Variants in ITPR1 observed in about 807,000 individuals in gnomAD.
ITPR1 encodes the protein inositol 1,4,5-trisphosphate receptor type 1.
In ITPR1, 96 loss-of-function variants were observed where a neutral mutation model predicts 318.4. The ratio of observed to expected loss-of-function variants is 0.30; its 90% confidence interval spans 0.26 to 0.36. The LOEUF (loss-of-function observed/expected upper bound fraction) is 0.36. Ranked by LOEUF, ITPR1 falls within the 10% of genes least tolerant of loss-of-function variation. The pLI is 1.00. For missense variants in ITPR1, 2,440 were observed against 3,460.2 expected (o/e 0.71, Z 7.40); for synonymous variants, 1,312 against 1,289.9 (o/e 1.02, Z -0.37).
At chr3:4,722,923 C>A (rs567815411) in intron 40 of ITPR1, among the ~76,000 whole-genome samples, 1 of 152,140 alleles carries the variant, frequency 6.6e-6, no homozygotes, top group Non-Finnish European at 1.5e-5. Flanking sequence ...CCGAGGCAGG[C>A]GGATCACTTG....
At chr3:4,793,486 C>T (rs1173001667) in intron 52 of ITPR1, among the ~76,000 whole-genome samples, 2 of 152,250 alleles carry the variant, frequency 1.3e-5, no homozygotes, top group African/African-American at 4.8e-5. Context: ...CTCTTCTGTC[C>T]TCTTCTGGAG....
At chr3:4,615,680 A>G (rs2092360720) in intron 4 of ITPR1, among the ~76,000 whole-genome samples, 2 of 152,086 alleles carry the variant, frequency 1.3e-5, no homozygotes, top group Non-Finnish European at 2.9e-5. Flanking sequence ...CTTGACCCCA[A>G]CTGACTTCTT....
intron 4 of ITPR1, among the ~76,000 whole-genome samples, chr3:4,589,911 C>T (rs972487846): frequency 2.0e-5 from 3 of 152,168 alleles, no homozygotes; most frequent in African/African-American, 7.2e-5. Context: ...GGAAGTGGGC[C>T]TATCTCGGGC....
chr3:4,800,982 G>A (rs903714010), intron 54 of ITPR1, among the ~76,000 whole-genome samples: 2 of 152,156 alleles, frequency 1.3e-5, no homozygotes, highest in African/African-American at 4.8e-5. Context: ...ACCCACTTCT[G>A]GAAAGGGCCA....
chr3:4,783,462 C>T (rs999607885), intron 50 of ITPR1, among the ~76,000 whole-genome samples: 1 of 152,174 alleles, frequency 6.6e-6, no homozygotes, highest in Non-Finnish European at 1.5e-5. Context: ...AAACAGTCTC[C>T]TGCCTCTTTT....
intron 4 of ITPR1, among the ~76,000 whole-genome samples, chr3:4,521,393 G>A (rs1271286838): frequency 2.0e-5 from 3 of 152,088 alleles, no homozygotes; most frequent in Admixed American, 1.3e-4. Context: ...TAGTATTTAT[G>A]GATCCAGTCA....
chr3:4,599,697 A>G (rs1359302465), intron 4 of ITPR1, among the ~76,000 whole-genome samples: 2 of 152,216 alleles, frequency 1.3e-5, no homozygotes, highest in African/African-American at 4.8e-5. Flanking sequence ...GGTTGCAGCA[A>G]GCCTTCCCCT....
Position 4,683,666 on chromosome 3 carries a change from C to T in ITPR1, c.3366C>T (p.Tyr1122=). 1 of 1,614,048 alleles carries T rather than the reference C, an allele frequency of 6.2e-7. No individual in the cohort carries two copies. The highest frequency in any genetic ancestry group is 8.5e-7 in the Non-Finnish European group (1 of 1,179,902). The change falls in exon 28 of 62, where the codon TAC becomes TAT. Residue 1122 remains tyrosine (Y), a synonymous_variant. Coordinates refer to ENST00000649015, the MANE Select transcript of ITPR1 (RefSeq NM_001378452.1). ...LLVTSQDVDN[Y]KQIKQDLDQL... ...TTACCAGCCAAGATGTGGACAACTA[C>T]AAACAGATCAAACAAGACTTGGATC...
chr3:4,646,111 A>G, intron 10 of ITPR1: 1 of 194,132 alleles, frequency 5.2e-6, no homozygotes, highest in Non-Finnish European at 1.1e-5. Flanking sequence ...TTGCTCATTT[A>G]TCTATCACAA....
chr3:4,806,371 C>A, intron 55 of ITPR1, 104 bp downstream of exon 55: 3 of 1,122,176 alleles, frequency 2.7e-6, no homozygotes, highest in Non-Finnish European at 4.0e-6. Context: ...GATTGGTGTG[C>A]CTGGTCCACC....
intron 22 of ITPR1, 139 bp downstream of exon 22, chr3:4,674,482 G>T (rs2094146455): frequency 1.9e-5 from 13 of 682,480 alleles, no homozygotes; most frequent in Non-Finnish European, 3.0e-5. Flanking sequence ...AATTCAGCTT[G>T]GTTTTGTTCC....
chr3:4,690,573 A>G (rs893259384), intron 31 of ITPR1, among the ~76,000 whole-genome samples: 42 of 152,196 alleles, frequency 2.8e-4, no homozygotes, highest in African/African-American at 9.7e-4. Flanking sequence ...GTGACCCAAC[A>G]ATTCTGTTCT....
chr3:4,633,617 G>A (rs1017084682), intron 5 of ITPR1, among the ~76,000 whole-genome samples: 1 of 152,150 alleles, frequency 6.6e-6, no homozygotes, highest in Non-Finnish European at 1.5e-5. Context: ...TTTTCCTTCT[G>A]CAGGAATAAC....
chr3:4,540,234 T>G (rs1472565478), intron 4 of ITPR1, among the ~76,000 whole-genome samples: 3 of 152,156 alleles, frequency 2.0e-5, no homozygotes, highest in Non-Finnish European at 2.9e-5. Flanking sequence ...TTTATCATTA[T>G]GTAAGAAACA....
At chr3:4,693,220 C>T (rs1227892644) in intron 32 of ITPR1, among the ~76,000 whole-genome samples, 1 of 152,182 alleles carries the variant, frequency 6.6e-6, no homozygotes, top group Non-Finnish European at 1.5e-5. Context: ...TCTCTGTTTC[C>T]ACTTGATGCA....
At chr3:4,666,890 C>G (rs761569502) in intron 17 of ITPR1, among the ~76,000 whole-genome samples, 3 of 152,196 alleles carry the variant, frequency 2.0e-5, no homozygotes, top group Admixed American at 6.5e-5. Context: ...TCCTGACCTT[C>G]TTATGCTACT....
chr3:4,783,812 C>T lies in ITPR1; in HGVS notation c.6511-4C>T, dbSNP rs376888421. ...CCTCCTGTATCTCTGTCCCTGTATT[C>T]TAGTTGGCTCGGCATAACAAAGAAC... On this transcript the variant is annotated splice_region_variant and splice_polypyrimidine_tract_variant and intron_variant, in intron 50 of 61. Coordinates refer to ENST00000649015, the MANE Select transcript of ITPR1 (RefSeq NM_001378452.1). The T allele has an allele frequency of 1.3e-6, 2 of 1,594,590 alleles. No individual in the cohort carries two copies. Among genetic ancestry groups the T allele is most frequent in the Non-Finnish European group, 1.7e-6 (2 of 1,169,698 alleles).
chr3:4,504,589 AG>A (rs1156822644), intron 2 of ITPR1, among the ~76,000 whole-genome samples: 2 of 152,166 alleles, frequency 1.3e-5, no homozygotes, highest in Non-Finnish European at 2.9e-5. Flanking sequence ...GAAGGCAAGG[AG>A]GGGGAGCTGT....
intron 5 of ITPR1, among the ~76,000 whole-genome samples, chr3:4,628,444 GT>G (rs1559568435): frequency 6.6e-6 from 1 of 152,200 alleles, no homozygotes; most frequent in Non-Finnish European, 1.5e-5. Flanking sequence ...ACCATAGCAA[GT>G]TTTTGAGCCT....
Sources: gnomAD v4.1 joint callset for allele counts (sites outside exome capture counted in the v4.1 genomes callset) on GRCh38, gnomAD v4.1.1 for gene constraint, MANE v1.5 for transcripts, NCBI Gene and HGNC (gene_info 2026-07-23, HGNC 2026-07-21) for gene names.